The following PRLR variants were observed in gnomAD, a reference collection of about 807,000 sequenced individuals.
PRLR encodes the protein prolactin receptor.
PRLR carries 13 observed loss-of-function variants against 40.2 expected under a neutral mutation model. That is an observed-to-expected ratio of 0.32 (90% CI 0.21 to 0.51). The LOEUF (loss-of-function observed/expected upper bound fraction) is 0.51, where lower values mean the gene tolerates loss of function less well. Ranked by LOEUF, PRLR falls within the 20% of genes least tolerant of loss-of-function variation. The probability of loss-of-function intolerance (pLI) is 0.97; values close to 1 mark genes in which losing one functional copy is unlikely to be tolerated. For synonymous variants in PRLR, 269 were observed against 278.7 expected, an observed-to-expected ratio of 0.97 and a Z score of 0.35; for missense variants, 656 against 747.3, an observed-to-expected ratio of 0.88 and a Z score of 1.42.
intron 1 of PRLR, among the ~76,000 whole-genome samples, chr5:35,132,945 G>A (rs952851136): frequency 6.6e-6 from 1 of 152,160 alleles, no homozygotes; most frequent in African/African-American, 2.4e-5. Context: ...CATAGACTGA[G>A]TAAAGAATGT....
rs1010480191 is a variant in PRLR, at chr5:35,119,121, G to C, written c.-105-999C>G. On this transcript the variant is annotated intron_variant, in intron 1 of 9. Transcript: ENST00000618457. ...ACAGCTACTTTTTAAAATGGGCTTC[G>C]ATATATATGAACAGCAATTCATAAT... 3.3e-5 allele frequency among the ~76,000 whole-genome samples: 5 copies of C among 152,042 alleles called. No individual in the cohort carries two copies. The East Asian group carries it at 9.6e-4, about 29-fold the overall frequency.
intron 5 of PRLR, chr5:35,082,115 A>G (rs1770564493): frequency 6.6e-6 from 1 of 152,204 alleles, no homozygotes; most frequent in African/African-American, 2.4e-5. Context: ...TCCCCTCACA[A>G]TTTTTATGCA....
chr5:35,159,206 C>T (rs1175335143), intron 1 of PRLR, among the ~76,000 whole-genome samples: 1 of 151,918 alleles, frequency 6.6e-6, no homozygotes, highest in Non-Finnish European at 1.5e-5. Flanking sequence ...TCTGCACTGG[C>T]TCCAGCCAAA....
intron 2 of PRLR, among the ~76,000 whole-genome samples, chr5:35,102,033 T>C (rs1771915013): frequency 6.6e-6 from 1 of 151,966 alleles, no homozygotes; most frequent in South Asian, 2.1e-4. Context: ...TTTCACCCTG[T>C]TGGCCGGGGT....
In PRLR at chr5:35,077,157, C is replaced by A. The variant is rs1239963589; in HGVS notation, c.374-4413G>T. On this transcript the variant is annotated intron_variant, in intron 5 of 9. Transcript: ENST00000618457. ...ATCAACTAATGAGCAAAATAACCAG[C>A]TAATATCATAATGACAGGATCAAAT... Among the ~76,000 whole-genome samples, 3 of 152,156 alleles carry A rather than the reference C, an allele frequency of 2.0e-5. No individual in the cohort carries two copies. The South Asian group carries it at 6.2e-4, about 31-fold the overall frequency.
chr5:35,109,607 C>G (rs1167558631), intron 2 of PRLR, among the ~76,000 whole-genome samples: 1 of 152,128 alleles, frequency 6.6e-6, no homozygotes, highest in South Asian at 2.1e-4. Context: ...CCAACAGACA[C>G]ATGAAAAAAT....
intron 1 of PRLR, among the ~76,000 whole-genome samples, chr5:35,143,704 T>C (rs1266784689): frequency 6.6e-6 from 1 of 152,198 alleles, no homozygotes; most frequent in Non-Finnish European, 1.5e-5. Context: ...ATGAAAGAAT[T>C]ACTGACCACA....
Position 35,056,155 on chromosome 5 carries a change from G to C in PRLR, c.*8934C>G, listed in dbSNP as rs192894242. The C allele has an allele frequency of 3.3e-5, 5 of 152,248 alleles. No individual in the cohort carries two copies. Among genetic ancestry groups the C allele is most frequent in the Non-Finnish European group, 7.4e-5 (5 of 67,996 alleles). The allele number at this position is 152,248 out of a possible 1,614,324, so 9.4% of individuals were successfully genotyped here. A position where few individuals can be genotyped will look rare whatever the true frequency, so the allele number is the denominator to read the frequency against. ...TTTAATGTGAACCTGATGATAACAA[G>C]AGAAAAATGCTTAACATTAGCAGGG... On this transcript the variant is annotated 3_prime_UTR_variant, in exon 10 of 10. Coordinates refer to ENST00000618457, the MANE Select transcript of PRLR (RefSeq NM_000949.7).
chr5:35,092,990 G>A (rs973180105), intron 2 of PRLR, among the ~76,000 whole-genome samples: 3 of 152,094 alleles, frequency 2.0e-5, no homozygotes, highest in African/African-American at 4.8e-5. Context: ...TGGTATGAAC[G>A]CCAAGAAAAG....
In PRLR at chr5:35,176,026, A is replaced by G. The variant is rs6877246; in HGVS notation, c.-106+54242T>C. ...ATGTTATAATATTTCATGTAATATC[A>G]TGTGTGTATATTAGATGTAAATAAA... On this transcript the variant is annotated intron_variant, in intron 1 of 9. Transcript: ENST00000618457. Among the ~76,000 whole-genome samples the G allele has an allele frequency of 2.3e-3, 353 of 152,318 alleles. 1 individual carries two copies. The highest frequency in any genetic ancestry group is 8.1e-3 in the African/African-American group (338 of 41,568).
intron 2 of PRLR, among the ~76,000 whole-genome samples, chr5:35,091,604 CT>C (rs1310549599): frequency 6.6e-6 from 1 of 152,006 alleles, no homozygotes; most frequent in Non-Finnish European, 1.5e-5. Flanking sequence ...ATTATTCCCC[CT>C]CTGTGGGAGA....
intron 1 of PRLR, among the ~76,000 whole-genome samples, chr5:35,182,461 TCTTAAA>T (rs1047823788): frequency 2.0e-5 from 3 of 152,312 alleles, no homozygotes; most frequent in Non-Finnish European, 2.9e-5. Context: ...AGCAATTTCA[TCTTAAA>T]CTTAAACTAC....
chr5:35,146,061 T>G (rs1001726594), intron 1 of PRLR, among the ~76,000 whole-genome samples: 7 of 152,210 alleles, frequency 4.6e-5, no homozygotes, highest in Admixed American at 2.0e-4. Context: ...CTAGTACAAC[T>G]TCATCATGAC....
At chr5:35,066,143 C>T in intron 9 of PRLR, 41 bp from the exon 10 acceptor site, 1 of 1,553,740 alleles carries the variant, frequency 6.4e-7, no homozygotes, top group Non-Finnish European at 8.8e-7. Flanking sequence ...CTGTTAGCTT[C>T]ATAACATTCC....
intron 1 of PRLR, among the ~76,000 whole-genome samples, chr5:35,208,175 GCGCACACA>G (rs1301548183): frequency 2.1e-4 from 30 of 145,420 alleles, no homozygotes; most frequent in South Asian, 4.4e-4. Context: ...ACCCACGCGC[GCGCACACA>G]CACACACACA....
intron 5 of PRLR, among the ~76,000 whole-genome samples, chr5:35,082,834 CTTT>C (rs1158264169): frequency 1.3e-5 from 2 of 152,062 alleles, no homozygotes; most frequent in African/African-American, 4.8e-5. Context: ...GTGGACACTT[CTTT>C]TATTATTTTG....
chr5:35,191,618 G>A (rs1381779791), intron 1 of PRLR, among the ~76,000 whole-genome samples: 1 of 152,152 alleles, frequency 6.6e-6, no homozygotes, highest in Non-Finnish European at 1.5e-5. Flanking sequence ...CCTGCCAACA[G>A]ACCTTCCATA....
chr5:35,129,289 C>T (rs141805883), intron 1 of PRLR, among the ~76,000 whole-genome samples: 38 of 152,250 alleles, frequency 2.5e-4, no homozygotes, highest in Non-Finnish European at 2.8e-4. Flanking sequence ...TATTGACGTG[C>T]TCAATTTACT....
chr5:35,126,333 T>C (rs755613009), intron 1 of PRLR, among the ~76,000 whole-genome samples: 2 of 152,228 alleles, frequency 1.3e-5, no homozygotes, highest in Non-Finnish European at 2.9e-5. Flanking sequence ...GATTATAGCA[T>C]TGAGCAAATA....
Sources: gnomAD v4.1 joint callset for allele counts (sites outside exome capture counted in the v4.1 genomes callset) on GRCh38, gnomAD v4.1.1 for gene constraint, MANE v1.5 for transcripts, NCBI Gene and HGNC (gene_info 2026-07-23, HGNC 2026-07-21) for gene names.